The following ENPP3 variants were observed in gnomAD, a reference collection of about 807,000 sequenced individuals.
ENPP3 encodes ectonucleotide pyrophosphatase/phosphodiesterase 3.
ENPP3 carries 104 observed loss-of-function variants against 117.8 expected under a neutral mutation model. The observed-to-expected ratio is 0.88, with a 90% CI of 0.75 to 1.04. The LOEUF is 1.04. Ranked by LOEUF, ENPP3 falls within the 50% of genes least tolerant of loss-of-function variation. The probability of loss-of-function intolerance (pLI) is 0.00; values close to 1 mark genes in which losing one functional copy is unlikely to be tolerated. For missense variants in ENPP3, 1,026 were observed against 1,051.9 expected (o/e 0.98, Z 0.34); for synonymous variants, 380 against 349.9 (o/e 1.09, Z -0.96).
At chr6:131,709,850 ATTCAGTCATTATTT>A (rs1779740103) in intron 15 of ENPP3, 1 of 1,598,958 alleles carries the variant, frequency 6.3e-7, no homozygotes, top group African/African-American at 1.4e-5. Flanking sequence ...TCTTGATAGA[ATTCAGTCATTATTT>A]TAAGTTTCTG....
rs770817874 is a variant in ENPP3, at chr6:131,674,216, C to T, written c.697C>T (p.Leu233Phe). The change falls in exon 8 of 25, where the codon CTC becomes TTC. Residue 233 changes from leucine to phenylalanine, a missense_variant. Transcript: ENST00000357639. ...IIDNNMYDVN[L>F]NKNFSLSSKE... Reference sequence around the variant, plus strand: ...TGACAATAATATGTATGATGTAAATCTCAACAAGAATTTTTCACTTTCTTC... The same window carrying T: ...TGACAATAATATGTATGATGTAAATTTCAACAAGAATTTTTCACTTTCTTC... 3.1e-6 allele frequency: 5 copies of T among 1,603,006 alleles called. No homozygotes were observed. The East Asian group carries it at 1.1e-4, about 36-fold the overall frequency.
At chr6:131,733,083 G>C (rs949711679) in intron 20 of ENPP3, among the ~76,000 whole-genome samples, 1 of 152,084 alleles carries the variant, frequency 6.6e-6, no homozygotes, top group Non-Finnish European at 1.5e-5. Context: ...AAGCATGGCT[G>C]TAAATTTATT....
intron 5 of ENPP3, among the ~76,000 whole-genome samples, chr6:131,653,881 C>T (rs978307127): frequency 3.9e-5 from 6 of 152,124 alleles, no homozygotes; most frequent in Non-Finnish European, 5.9e-5. Context: ...CTACCCCACC[C>T]CTCCCATGCA....
chr6:131,699,373 TTAAA>T (rs1779481532), intron 15 of ENPP3, among the ~76,000 whole-genome samples: 1 of 147,738 alleles, frequency 6.8e-6, no homozygotes, highest in African/African-American at 2.5e-5. Context: ...CAATGAGAAA[TTAAA>T]TATAAATGTT....
At position 131,683,042 on chromosome 6, in the gene ENPP3, A is replaced by C. The variant is rs1401435891; in HGVS notation, c.1012-12A>C. 1.3e-6 allele frequency: 2 copies of C among 1,520,296 alleles called. No individual in the cohort carries two copies. The highest frequency in any genetic ancestry group is 2.7e-5 in the African/African-American group (2 of 73,072). 94.2% of individuals were successfully genotyped at this position (1,520,296 alleles called of 1,614,324 possible). A position where few individuals can be genotyped will look rare whatever the true frequency, so the allele number is the denominator to read the frequency against. ...CTCATTACGACAATCTTAACTCCAA[A>C]TTATTTTTCAGGTAATTAAAGCCTT... On this transcript the variant is annotated splice_polypyrimidine_tract_variant and intron_variant, in intron 11 of 24. Coordinates refer to ENST00000357639, the MANE Select transcript of ENPP3 (RefSeq NM_005021.5).
At chr6:131,698,108 T>C (rs1779449586) in intron 15 of ENPP3, among the ~76,000 whole-genome samples, 1 of 152,144 alleles carries the variant, frequency 6.6e-6, no homozygotes, top group Non-Finnish European at 1.5e-5. Flanking sequence ...TGTGGGTGTG[T>C]GTGTGTGCGT....
At chr6:131,691,628 T>C (rs944880733) in intron 14 of ENPP3, among the ~76,000 whole-genome samples, 1 of 151,570 alleles carries the variant, frequency 6.6e-6, no homozygotes. Flanking sequence ...AGTCAAAAAT[T>C]GTATCTCAAC....
intron 5 of ENPP3, among the ~76,000 whole-genome samples, chr6:131,655,124 A>G (rs2114326572): frequency 6.6e-6 from 1 of 152,334 alleles, no homozygotes; most frequent in East Asian, 1.9e-4. Flanking sequence ...ATATTTTTCT[A>G]GTGAAATTTT....
intron 16 of ENPP3, 62 bp downstream of exon 16, chr6:131,718,800 G>A (rs902380532): frequency 2.0e-6 from 2 of 989,812 alleles, no homozygotes; most frequent in East Asian, 5.0e-5. Context: ...TACAGAATGT[G>A]CAGGTTTGTT....
intron 11 of ENPP3, among the ~76,000 whole-genome samples, chr6:131,682,554 G>A (rs922268330): frequency 1.1e-4 from 16 of 152,110 alleles, no homozygotes; most frequent in African/African-American, 3.9e-4. Context: ...TCAGTAATGT[G>A]ATGACTGTGT....
intron 23 of ENPP3, among the ~76,000 whole-genome samples, chr6:131,738,540 A>G (rs924063023): frequency 6.6e-6 from 1 of 150,926 alleles, no homozygotes; most frequent in Non-Finnish European, 1.5e-5. Context: ...GGTAAATTTT[A>G]CAAGAATAGT....
chr6:131,683,116 G>A lies in ENPP3; in HGVS notation c.1074G>A (p.Gln358=), dbSNP rs1265713600. ...AFGMLMEGLK[Q]RNLHNCVNII... ...GGATGTTGATGGAAGGCCTGAAGCA[G>A]CGGAATTTGCACAACTGTGTCAATA... is the stretch of plus-strand genomic sequence containing the variant. Residue 358 remains glutamine, a synonymous_variant, in exon 12 of 25, where the codon CAG becomes CAA. Coordinates refer to ENST00000357639, the MANE Select transcript of ENPP3 (RefSeq NM_005021.5). 4 of 1,612,730 alleles carry A rather than the reference G, an allele frequency of 2.5e-6. No individual in the cohort carries two copies. The South Asian group carries it at 4.4e-5, about 18-fold the overall frequency.
At chr6:131,644,974 G>A (rs182906056) in intron 2 of ENPP3, among the ~76,000 whole-genome samples, 11 of 152,314 alleles carry the variant, frequency 7.2e-5, no homozygotes, top group Non-Finnish European at 1.2e-4. Context: ...TGGTTGTGAT[G>A]TATCTAAATC....
intron 17 of ENPP3, among the ~76,000 whole-genome samples, chr6:131,721,909 G>C (rs1478697862): frequency 2.0e-5 from 3 of 152,142 alleles, no homozygotes; most frequent in Non-Finnish European, 2.9e-5. Context: ...TTTGTTTCAA[G>C]AGATGGAGTT....
At chr6:131,641,562 C>T (rs924692698) in intron 2 of ENPP3, 32 bp downstream of exon 2, 2 of 1,356,410 alleles carry the variant, frequency 1.5e-6, no homozygotes, top group African/African-American at 2.9e-5. Flanking sequence ...CAGAACATTC[C>T]CTTATTTCTT....
intron 24 of ENPP3, among the ~76,000 whole-genome samples, chr6:131,745,411 T>C (rs1780616074): frequency 6.6e-6 from 1 of 152,134 alleles, no homozygotes; most frequent in Non-Finnish European, 1.5e-5. Context: ...AGTAAACCAC[T>C]GCATCGAAGT....
chr6:131,683,755 T>G (rs1487263502), intron 12 of ENPP3, among the ~76,000 whole-genome samples: 1 of 150,250 alleles, frequency 6.7e-6, no homozygotes, highest in Admixed American at 6.6e-5. Flanking sequence ...ACAGGTTTTT[T>G]TTTTTTTTTT....
At chr6:131,692,853 G>A (rs1381367266) in intron 14 of ENPP3, among the ~76,000 whole-genome samples, 1 of 103,688 alleles carries the variant, frequency 9.6e-6, no homozygotes, top group Non-Finnish European at 1.8e-5. Context: ...TGATATATAT[G>A]ATATGTGATA....
At chr6:131,675,362 G>T in intron 9 of ENPP3, 173 bp downstream of exon 9, 5 of 558,532 alleles carry the variant, frequency 9.0e-6, no homozygotes, top group Non-Finnish European at 1.3e-5. Context: ...AAATGCTTTT[G>T]GCTGTAATTA....
Sources: allele counts gnomAD v4.1 joint callset (sites outside exome capture counted in the v4.1 genomes callset), GRCh38; gene constraint gnomAD v4.1.1; transcripts MANE v1.5; gene names NCBI Gene and HGNC (gene_info 2026-07-23, HGNC 2026-07-21).